The following UNC45A variants were observed in gnomAD, a reference collection of about 807,000 sequenced individuals.
UNC45A encodes the protein protein unc-45 homolog A.
UNC45A carries 78 observed loss-of-function variants against 103.2 expected under a neutral mutation model. The observed-to-expected ratio is 0.76, with a 90% confidence interval of 0.63 to 0.91. The LOEUF (loss-of-function observed/expected upper bound fraction) is 0.91, where lower values mean the gene tolerates loss of function less well. Ranked by LOEUF, UNC45A falls within the 40% of genes least tolerant of loss-of-function variation. UNC45A has a pLI of 0.00. For missense variants in UNC45A, 1,193 were observed against 1,224.8 expected, an observed-to-expected ratio of 0.97 and a Z score of 0.39; for synonymous variants, 495 against 504.6, an observed-to-expected ratio of 0.98 and a Z score of 0.25.
chr15:90,948,449 G>T, intron 12 of UNC45A, 166 bp downstream of exon 12: 2 of 1,269,154 alleles, frequency 1.6e-6, no homozygotes, highest in South Asian at 3.0e-5. Flanking sequence ...AGCACCAGTG[G>T]TGTTAGCAAG....
In UNC45A at chr15:90,935,848, G is replaced by T. The variant is rs543757989; in HGVS notation, c.214-98G>T. The T allele has an allele frequency of 4.1e-5, 65 of 1,586,944 alleles. No homozygotes were observed. The East Asian group carries it at 1.4e-3, about 34-fold the overall frequency. On this transcript the variant is annotated intron_variant, in intron 2 of 19. Transcript: ENST00000418476. ...TTTTTTGCACCTCAGGGTGGTGGGG[G>T]ATCGGGTGACCTTGGAGAGCGAGAG...
rs551625713 is a variant in UNC45A at position 90,947,815 on chromosome 15, C to G, written c.1520C>G (p.Ser507Trp). ...CTCCAGGGACTCTGTAAGCTCGGTT[C>G]GGCTGGAGGGACTGACTTCAGCATG... ...RALVGLCKLGSAGGTDFSMKQ... is the reference protein window; with the variant it reads ...RALVGLCKLGWAGGTDFSMKQ... Residue 507 changes from serine to tryptophan, a missense_variant, in exon 11 of 20, where the codon TCG (serine) becomes TGG (tryptophan). Transcript: ENST00000418476. 3.1e-6 allele frequency: 5 copies of G among 1,614,088 alleles called. No individual in the cohort carries two copies. In the South Asian group the frequency reaches 4.4e-5, roughly 14 times the overall value.
chr15:90,939,712 G>C lies in UNC45A; in HGVS notation c.427-19G>C. On this transcript the variant is annotated intron_variant, in intron 4 of 19. Transcript: ENST00000418476. ...GGCCAAGAGCCGTGATTTGTTCCAT[G>C]CTTTGTTGGTTTGTCTAGGTGCGAT... 6.2e-7 allele frequency: 1 copy of C among 1,613,768 alleles called. No homozygotes were observed. The highest frequency in any genetic ancestry group is 8.5e-7 in the Non-Finnish European group (1 of 1,179,702).
intron 6 of UNC45A, 39 bp downstream of exon 6, chr15:90,940,512 T>A (rs764998589): frequency 6.3e-7 from 1 of 1,580,286 alleles, no homozygotes; most frequent in Non-Finnish European, 8.6e-7. Context: ...CTTCAGTCCC[T>A]TTGTCTGTCT....
At chr15:90,953,133 C>T (rs771761421) in intron 18 of UNC45A, 22 bp from the exon 19 acceptor site, 7 of 1,612,946 alleles carry the variant, frequency 4.3e-6, no homozygotes, top group Non-Finnish European at 5.9e-6. Flanking sequence ...TGACTTGGTC[C>T]ACTCCTCACA....
chr15:90,931,054 T>C, upstream of UNC45A: 1 of 541,838 alleles, frequency 1.8e-6, no homozygotes, highest in Non-Finnish European at 3.3e-6. Flanking sequence ...GGAGAGGCGG[T>C]GAGTGCATCA....
chr15:90,950,010 T>C lies in UNC45A; in HGVS notation c.2074-144T>C, dbSNP rs2036805497. ...AGCCCTTATTAGGTGTTTCAGGAAG[T>C]GTTTGGATGCAGAGGGTCTGCACAG... On this transcript the variant is annotated intron_variant, in intron 15 of 19. Coordinates refer to ENST00000418476, the MANE Select transcript of UNC45A (RefSeq NM_018671.5). 9.3e-6 allele frequency: 7 copies of C among 753,906 alleles called. No individual in the cohort carries two copies. In the South Asian group the frequency reaches 1.2e-4, roughly 13 times the overall value. 46.7% of individuals were successfully genotyped at this position (753,906 alleles called of 1,614,324 possible). A position where few individuals can be genotyped will look rare whatever the true frequency, so the allele number is the denominator to read the frequency against.
upstream of UNC45A, chr15:90,931,979 A>G (rs762994556): frequency 1.2e-6 from 2 of 1,613,868 alleles, no homozygotes; most frequent in Non-Finnish European, 1.7e-6. Context: ...CTGAGATGTC[A>G]GCCAAGGGTT....
At chr15:90,931,280 T>A (rs1250151572), upstream of UNC45A, 1 of 1,550,486 alleles carries the variant, frequency 6.4e-7, no homozygotes, top group Non-Finnish European at 8.7e-7. Flanking sequence ...ACTGATCAGA[T>A]TGTCAGCCCC....
rs1596218250 is a variant in UNC45A at position 90,940,645 on chromosome 15, CCTCACACCTGTAATCCCAG to C, written c.687+174_687+192del. 9.3e-6 allele frequency: 7 copies of C among 756,646 alleles called. No individual in the cohort carries two copies. In the East Asian group the frequency reaches 2.4e-4, roughly 26 times the overall value. The allele number at this position is 756,646 out of a possible 1,614,324, so 46.9% of individuals were successfully genotyped here. A position where few individuals can be genotyped will look rare whatever the true frequency, so the allele number is the denominator to read the frequency against. The stretch of plus-strand genomic sequence containing the variant: ...AAAAGAACTTAGGTAGGTTATGGTG[CCTCACACCTGTAATCCCAG>C]CACTTTGGGGGGCTGAGGCAGGTGG... On this transcript the variant is annotated intron_variant, in intron 6 of 19. Transcript: ENST00000418476.
upstream of UNC45A, chr15:90,933,627 A>AT (rs1455256563): frequency 6.5e-6 from 1 of 154,246 alleles, no homozygotes; most frequent in African/African-American, 2.4e-5. Context: ...GAAGCCCCAC[A>AT]TGCTGGAACT....
intron 7 of UNC45A, 138 bp downstream of exon 7, chr15:90,942,743 C>T (rs2036358379): frequency 6.7e-7 from 1 of 1,502,608 alleles, no homozygotes; most frequent in African/African-American, 1.4e-5. Flanking sequence ...CATTATTTTA[C>T]TCTAGATTCT....
chr15:90,931,057 G>C (rs941094792), upstream of UNC45A: 3 of 554,898 alleles, frequency 5.4e-6, no homozygotes, highest in Non-Finnish European at 9.6e-6. Flanking sequence ...GAGGCGGTGA[G>C]TGCATCAGAA....
upstream of UNC45A, chr15:90,934,962 A>C (rs2035927036): frequency 2.2e-6 from 1 of 463,174 alleles, no homozygotes; most frequent in Non-Finnish European, 3.8e-6. Flanking sequence ...GCCCGCTCCT[A>C]GTGCTGGGCC....
chr15:90,931,348 C>T, upstream of UNC45A: 3 of 1,552,860 alleles, frequency 1.9e-6, no homozygotes, highest in Non-Finnish European at 2.6e-6. Context: ...TCCCTGAAGC[C>T]CCTTCACCAC....
At chr15:90,939,924 G>A (rs535040344) in intron 5 of UNC45A, 101 bp downstream of exon 5, 851 of 1,127,238 alleles carry the variant, frequency 7.5e-4, no homozygotes, top group Non-Finnish European at 9.0e-4. Context: ...TCCTCCAATC[G>A]TGCAGCTGGG....
intron 17 of UNC45A, among the ~76,000 whole-genome samples, chr15:90,952,076 C>G (rs1208003923): frequency 2.6e-5 from 4 of 152,276 alleles, no homozygotes; most frequent in East Asian, 1.9e-4. Context: ...TAGTTCATAC[C>G]TGGTGCAAGA....
At chr15:90,937,386 A>G (rs1161606503) in intron 4 of UNC45A, among the ~76,000 whole-genome samples, 1 of 152,196 alleles carries the variant, frequency 6.6e-6, no homozygotes, top group Non-Finnish European at 1.5e-5. Flanking sequence ...ACAATAACAC[A>G]TATAGTATAA....
intron 10 of UNC45A, chr15:90,947,179 C>T (rs1209337485): frequency 2.1e-6 from 1 of 474,172 alleles, no homozygotes; most frequent in African/African-American, 1.9e-5. Flanking sequence ...ACAGCAAGAC[C>T]CTCTCTAAAA....
Sources: allele counts gnomAD v4.1 joint callset (sites outside exome capture counted in the v4.1 genomes callset), GRCh38; gene constraint gnomAD v4.1.1; transcripts MANE v1.5; gene names NCBI Gene and HGNC (gene_info 2026-07-23, HGNC 2026-07-21).